Variants in SCMH1 observed in about 807,000 individuals in gnomAD.
SCMH1 encodes polycomb protein SCMH1.
Under a neutral mutation model 70.8 loss-of-function variants are expected in SCMH1, and 37 were observed. That is an observed-to-expected ratio of 0.52 (90% CI 0.40 to 0.69). The LOEUF (loss-of-function observed/expected upper bound fraction) is 0.69, where lower values mean the gene tolerates loss of function less well. SCMH1 is among the 30% of genes least tolerant of loss of function. The pLI is 0.00. For missense variants in SCMH1, 607 were observed against 827.3 expected (o/e 0.73, Z 3.27); for synonymous variants, 292 against 307.4 (o/e 0.95, Z 0.52).
intron 5 of SCMH1, 131 bp downstream of exon 5, chr1:41,151,483 C>T (rs1465566935): frequency 5.2e-6 from 3 of 578,618 alleles, no homozygotes; most frequent in Non-Finnish European, 9.0e-6. Flanking sequence ...GAGCTGTGTT[C>T]TTCCCATAGA....
At chr1:41,183,389 T>C (rs1394296407) in intron 2 of SCMH1, among the ~76,000 whole-genome samples, 3 of 152,234 alleles carry the variant, frequency 2.0e-5, no homozygotes, top group East Asian at 1.9e-4. Context: ...TCCAAACATA[T>C]ACTCTTTCCA....
chr1:41,030,535 T>G (rs1430938776), intron 13 of SCMH1, among the ~76,000 whole-genome samples: 1 of 152,228 alleles, frequency 6.6e-6, no homozygotes, highest in African/African-American at 2.4e-5. Context: ...AATCTTTTCA[T>G]GCCTGACTCC....
intron 2 of SCMH1, among the ~76,000 whole-genome samples, chr1:41,177,922 A>G (rs1030101813): frequency 1.6e-4 from 25 of 152,206 alleles, no homozygotes. Context: ...GAGCAACTCC[A>G]AGACACATAA....
chr1:41,082,637 A>T (rs1326820015), intron 8 of SCMH1, among the ~76,000 whole-genome samples: 3 of 152,216 alleles, frequency 2.0e-5, no homozygotes, highest in Non-Finnish European at 4.4e-5. Flanking sequence ...AAACAGCATC[A>T]TCCTGATACC....
intron 6 of SCMH1, among the ~76,000 whole-genome samples, chr1:41,139,182 C>T (rs1365440429): frequency 2.6e-5 from 4 of 152,098 alleles, no homozygotes; most frequent in Admixed American, 1.3e-4. Context: ...TTTCCAATTC[C>T]AATAGTTTGT....
rs114703282 is a variant in SCMH1, at chr1:41,234,863, C to T, written c.-118+7196G>A. 2.7e-3 allele frequency among the ~76,000 whole-genome samples: 405 copies of T among 152,286 alleles called. 1 individual carries two copies. Among genetic ancestry groups the T allele is most frequent in the African/African-American group, 9.4e-3 (392 of 41,560 alleles). On this transcript the variant is annotated intron_variant, in intron 1 of 14. Transcript: ENST00000337495. ...TCTGGAACCTTTCCAAATGTCACTTCCCTCCTTCTGCCTTGGCCATCAGTT... is the reference window on the plus strand; with the variant it reads ...TCTGGAACCTTTCCAAATGTCACTTTCCTCCTTCTGCCTTGGCCATCAGTT...
intron 8 of SCMH1, among the ~76,000 whole-genome samples, chr1:41,110,581 G>A (rs965672564): frequency 8.5e-5 from 13 of 152,086 alleles, no homozygotes; most frequent in Non-Finnish European, 1.8e-4. Flanking sequence ...TTAGCATAAT[G>A]TTATTAAGAT....
chr1:41,083,883 C>T (rs1274719941), intron 8 of SCMH1, among the ~76,000 whole-genome samples: 2 of 152,110 alleles, frequency 1.3e-5, no homozygotes, highest in Non-Finnish European at 2.9e-5. Context: ...GGAAAGGATT[C>T]CCTATTTAAT....
At chr1:41,232,857 A>C (rs555971423) in intron 1 of SCMH1, among the ~76,000 whole-genome samples, 3 of 152,360 alleles carry the variant, frequency 2.0e-5, no homozygotes, top group African/African-American at 7.2e-5. Flanking sequence ...TTACTTTCAC[A>C]AATTGGATAA....
At chr1:41,046,660 G>A in intron 11 of SCMH1, 62 bp from the exon 12 acceptor site, 1 of 1,325,042 alleles carries the variant, frequency 7.5e-7, no homozygotes, top group Non-Finnish European at 1.1e-6. Context: ...GCGCTAGGCA[G>A]GACGAGTCCA....
chr1:41,094,888 C>CAA lies in SCMH1; in HGVS notation c.745+18393_745+18394dup, dbSNP rs765555747. Among the ~76,000 whole-genome samples, 362 of 120,988 alleles carry CAA rather than the reference C, an allele frequency of 3.0e-3. 5 individuals are homozygous for CAA. The highest frequency in any genetic ancestry group is 0.01 in the African/African-American group (332 of 32,194). The allele number at this position is 120,988 out of a possible 152,430, so 79.4% of individuals were successfully genotyped here. A position where few individuals can be genotyped will look rare whatever the true frequency, so the allele number is the denominator to read the frequency against. Reference sequence around the variant, plus strand: ...TGTGGAGCAGAGTGAGACTCTGCCTCAAAAAAAAAAAAAAAATTCTTTTTC... The same window carrying CAA: ...TGTGGAGCAGAGTGAGACTCTGCCTCAAAAAAAAAAAAAAAAAATTCTTTTTC... On this transcript the variant is annotated intron_variant, in intron 8 of 14. Transcript: ENST00000337495.
intron 1 of SCMH1, among the ~76,000 whole-genome samples, chr1:41,224,167 T>G (rs1659829716): frequency 1.3e-5 from 2 of 152,216 alleles, no homozygotes; most frequent in South Asian, 4.1e-4. Context: ...TTGCATAGAA[T>G]AGAAGCTTTC....
intron 8 of SCMH1, among the ~76,000 whole-genome samples, chr1:41,093,787 T>G (rs1324405562): frequency 1.3e-5 from 2 of 152,232 alleles, no homozygotes; most frequent in East Asian, 3.8e-4. Context: ...GAAAAGTCTT[T>G]AAGTACGGGG....
intron 6 of SCMH1, among the ~76,000 whole-genome samples, chr1:41,117,549 C>T (rs189673170): frequency 0.079 from 11,834 of 149,286 alleles, 592 homozygotes; most frequent in South Asian, 0.14. Flanking sequence ...CCACCTCTTG[C>T]GGAGGGCCTG....
exon 15 of SCMH1, chr1:41,028,072 C>G (rs1460200666): frequency 8.1e-7 from 1 of 1,231,158 alleles, no homozygotes. Flanking sequence ...TCCACACAGC[C>G]TCTTGGAGTC....
intron 2 of SCMH1, 93 bp from the exon 3 acceptor site, chr1:41,161,525 A>C (rs1646030897): frequency 2.2e-6 from 3 of 1,348,914 alleles, no homozygotes; most frequent in Admixed American, 3.1e-5. Context: ...TTTTTAATAA[A>C]GTAATCCACT....
At position 41,053,831 on chromosome 1, in the gene SCMH1, G is replaced by GT. The variant is rs1242821497; in HGVS notation, c.1106-4942dup. Among the ~76,000 whole-genome samples the GT allele has an allele frequency of 1.3e-3, 196 of 148,416 alleles. 2 individuals carry two copies. Among genetic ancestry groups the GT allele is most frequent in the South Asian group, 8.6e-3 (40 of 4,640 alleles). ...GGAGAGTTTTAATGGAAGCCTAAAG[G>GT]TTTTTTTTTTGTTTTGTTTTTTTTT... On this transcript the variant is annotated intron_variant, in intron 10 of 14. Coordinates refer to ENST00000337495, the Ensembl canonical transcript of SCMH1.
intron 1 of SCMH1, among the ~76,000 whole-genome samples, chr1:41,205,876 G>C (rs1655416282): frequency 2.0e-5 from 3 of 152,186 alleles, no homozygotes; most frequent in African/African-American, 7.2e-5. Context: ...CTGTTCTGCA[G>C]CCTCCGCTGG....
intron 8 of SCMH1, among the ~76,000 whole-genome samples, chr1:41,094,099 T>C (rs1037600914): frequency 3.9e-5 from 6 of 152,210 alleles, no homozygotes; most frequent in African/African-American, 9.6e-5. Context: ...CGCACCAGAA[T>C]TGCACTAGTC....
Sources: gnomAD v4.1 joint callset for allele counts (sites outside exome capture counted in the v4.1 genomes callset) on GRCh38, gnomAD v4.1.1 for gene constraint, MANE v1.5 for transcripts, NCBI Gene and HGNC (gene_info 2026-07-23, HGNC 2026-07-21) for gene names.